FANCA: variants seen among roughly 807,000 people sequenced by gnomAD.
The protein encoded by FANCA is Fanconi anemia group A protein.
In FANCA, 236 loss-of-function variants were observed where a neutral mutation model predicts 194.3. The observed-to-expected ratio is 1.21, with a 90% CI of 1.09 to 1.35. The LOEUF (loss-of-function observed/expected upper bound fraction) is 1.35, where lower values mean the gene tolerates loss of function less well. FANCA is among the 40% of genes most tolerant of loss of function. FANCA has a pLI of 0.00. For missense variants in FANCA, 2,628 were observed against 1,813.9 expected (o/e 1.45, Z -8.15); for synonymous variants, 1,014 against 715.8 (o/e 1.42, Z -6.65).
intron 20 of FANCA, among the ~76,000 whole-genome samples, chr16:89,777,717 G>A (rs2039557760): frequency 6.6e-6 from 1 of 152,104 alleles, no homozygotes; most frequent in Non-Finnish European, 1.5e-5. Context: ...AACCTGCAAT[G>A]TAAGTGATCC....
intron 3 of FANCA, among the ~76,000 whole-genome samples, chr16:89,812,672 T>TAAAAAAAAAAAAAAAAAAAAAAAA (rs2040941835): frequency 9.8e-6 from 1 of 101,674 alleles, no homozygotes; most frequent in Non-Finnish European, 2.2e-5. Flanking sequence ...AAAAAAAAAC[T>TAAAAAAAAAAAAAAAAAAAAAAAA]GTTAACTGCA....
Position 89,773,156 on chromosome 16 carries a change from G to C in FANCA, c.2014+115C>G. 3.6e-6 allele frequency: 3 copies of C among 825,080 alleles called. No individual in the cohort carries two copies. In the South Asian group the frequency reaches 4.3e-5, roughly 12 times the overall value. 51.1% of individuals were successfully genotyped at this position (825,080 alleles called of 1,614,324 possible). ...CCCGGGGTCAATCTTTAAACTACTGGACTACTAGGAAGACACACCAGCCTG... is the reference window on the plus strand; with the variant it reads ...CCCGGGGTCAATCTTTAAACTACTGCACTACTAGGAAGACACACCAGCCTG... On this transcript the variant is annotated intron_variant, in intron 22 of 42. Transcript: ENST00000389301.
At chr16:89,747,297 C>T (rs995508449) in intron 33 of FANCA, among the ~76,000 whole-genome samples, 1 of 152,234 alleles carries the variant, frequency 6.6e-6, no homozygotes, top group Non-Finnish European at 1.5e-5. Context: ...TCGGCTGTCA[C>T]GTGCCAACTG....
At chr16:89,787,055 G>A (rs540301558) in intron 14 of FANCA, among the ~76,000 whole-genome samples, 6 of 152,232 alleles carry the variant, frequency 3.9e-5, no homozygotes, top group South Asian at 2.1e-4. Flanking sequence ...AGTGACACGC[G>A]CAAGCCAGAC....
At chr16:89,765,598 C>T (rs944115111) in intron 27 of FANCA, among the ~76,000 whole-genome samples, 1 of 152,252 alleles carries the variant, frequency 6.6e-6, no homozygotes, top group Non-Finnish European at 1.5e-5. Context: ...CATCTCTAGG[C>T]CTCTGCCAGG....
rs2038408800 is a variant in FANCA at position 89,746,862 on chromosome 16, A to G, written c.3377T>C (p.Leu1126Pro). Residue 1126 changes from leucine to proline, a missense_variant, in exon 34 of 43, where the codon CTG becomes CCG. Physicochemically the swap from Leu to Pro is moderately conservative, Grantham distance 98 (BLOSUM62 -3). Transcript: ENST00000389301. ...GAAGTGGGCAGTGATGTCCTGTGTC[A>G]GGGCACCTCCGTGGGAGCAGAAGTT... ...MRNFCSHGGALTQDITAHFFR... is the reference protein window; with the variant it reads ...MRNFCSHGGAPTQDITAHFFR... The G allele has an allele frequency of 6.4e-7, 1 of 1,562,084 alleles. No individual in the cohort carries two copies. Among genetic ancestry groups the G allele is most frequent in the Non-Finnish European group, 8.7e-7 (1 of 1,152,070 alleles).
chr16:89,789,724 C>CCACT lies in FANCA; in HGVS notation c.1359+1675_1359+1678dup, dbSNP rs780423364. On this transcript the variant is annotated intron_variant, in intron 14 of 42. Coordinates refer to ENST00000389301, the MANE Select transcript of FANCA (RefSeq NM_000135.4). ...AAACTGCTGAGATTACAGGCATGAGCCACTGTACCTGGCCCGAACCCAAAA... is the reference window on the plus strand; with the variant it reads ...AAACTGCTGAGATTACAGGCATGAGCCACTCACTGTACCTGGCCCGAACCCAAAA... Among the ~76,000 whole-genome samples the CCACT allele has an allele frequency of 2.0e-3, 301 of 152,246 alleles. 1 individual carries two copies. The highest frequency in any genetic ancestry group is 3.3e-3 in the Admixed American group (50 of 15,288).
intron 29 of FANCA, 121 bp downstream of exon 29, chr16:89,761,827 TG>T (rs2038962972): frequency 1.3e-6 from 1 of 796,134 alleles, no homozygotes; most frequent in Non-Finnish European, 2.2e-6. Context: ...AGTTTCCCCA[TG>T]TTGCCCAGGC....
rs189890126 is a variant in FANCA, at chr16:89,761,936, T to A, written c.2852+13A>T. The A allele has an allele frequency of 3.5e-5, 56 of 1,612,300 alleles. No homozygotes were observed. Among genetic ancestry groups the A allele is most frequent in the Non-Finnish European group, 4.6e-5 (54 of 1,178,334 alleles). On this transcript the variant is annotated intron_variant, in intron 29 of 42. Coordinates refer to ENST00000389301, the MANE Select transcript of FANCA (RefSeq NM_000135.4). ...CATCATGCCTGGCCAGGGTAGCTCT[T>A]TTCAACACTTACCGTTCAGTATCTG...
At position 89,748,722 on chromosome 16, in the gene FANCA, G is replaced by C. The variant is rs1348342658; in HGVS notation, c.3285C>G (p.Phe1095Leu). The change falls in exon 33 of 43, where the codon TTC (phenylalanine) becomes TTG (leucine). Residue 1095 changes from phenylalanine (F) to leucine (L), a missense_variant. Phe to Leu is a conservative substitution (Grantham distance 22, BLOSUM62 0). Coordinates refer to ENST00000389301, the MANE Select transcript of FANCA (RefSeq NM_000135.4). ...LPSSVLCGSS[F>L]QAEQPITARC... ...TGGCAGTGATGGGCTGTTCTGCCTG[G>C]AAGCTGCTGCCGCAGAGGACAGACG... 1 of 1,614,126 alleles carries C rather than the reference G, an allele frequency of 6.2e-7. No homozygotes were observed. The highest frequency in any genetic ancestry group is 2.2e-5 in the East Asian group (1 of 44,880).
chr16:89,812,123 C>T (rs1253178785), intron 3 of FANCA, among the ~76,000 whole-genome samples: 32 of 142,532 alleles, frequency 2.2e-4, no homozygotes, highest in African/African-American at 7.0e-4. Context: ...ATTACAAGGT[C>T]AGGAGATCGA....
chr16:89,764,815 G>C (rs2039069546), intron 28 of FANCA, 75 bp downstream of exon 28: 1 of 1,529,402 alleles, frequency 6.5e-7, no homozygotes, highest in Non-Finnish European at 9.0e-7. Flanking sequence ...ACGTGCTGCT[G>C]TTCTTGCCCG....
In FANCA at chr16:89,811,032, G is replaced by A. The variant is rs926971713; in HGVS notation, c.323C>T (p.Pro108Leu). 5 of 1,613,960 alleles carry A rather than the reference G, an allele frequency of 3.1e-6. No individual in the cohort carries two copies. Among genetic ancestry groups the A allele is most frequent in the Non-Finnish European group, 4.2e-6 (5 of 1,180,024 alleles). Residue 108 changes from proline (P) to leucine (L), a missense_variant, in exon 4 of 43, where the codon CCC becomes CTC. Pro to Leu is a moderately conservative substitution (Grantham distance 98). Coordinates refer to ENST00000389301, the MANE Select transcript of FANCA (RefSeq NM_000135.4). ...CATCCCGGCTGAGAGAATACCCACG[G>A]GAACCCCCAGCCTTGAGGCTTGATC... ...LQDQASRLGV[P>L]VGILSAGMVA...
chr16:89,815,993 A>C lies in FANCA; in HGVS notation c.80-7T>G. The C allele has an allele frequency of 1.2e-6, 2 of 1,607,872 alleles. No individual in the cohort carries two copies. The highest frequency in any genetic ancestry group is 2.2e-5 in the South Asian group (2 of 90,988). On this transcript the variant is annotated splice_region_variant and splice_polypyrimidine_tract_variant and intron_variant, in intron 1 of 42. Transcript: ENST00000389301. ...TCCCTCTTGACCCTTCCCGCTACGG[A>C]GAGAAGTCGGTTCGAAACCATCACA...
At chr16:89,764,219 G>A (rs753495563) in intron 28 of FANCA, among the ~76,000 whole-genome samples, 1 of 152,212 alleles carries the variant, frequency 6.6e-6, no homozygotes, top group African/African-American at 2.4e-5. Flanking sequence ...ACAGCGAGAC[G>A]TTGTCTCAAA....
intron 15 of FANCA, among the ~76,000 whole-genome samples, chr16:89,783,483 G>A (rs1475917520): frequency 2.6e-5 from 4 of 151,312 alleles, no homozygotes; most frequent in African/African-American, 4.9e-5. Context: ...CCCAGGAGGC[G>A]GACCTTGCAG....
chr16:89,775,958 C>T (rs2039486654), intron 20 of FANCA, 143 bp from the exon 21 acceptor site: 5 of 410,294 alleles, frequency 1.2e-5, no homozygotes, highest in South Asian at 7.6e-5. Flanking sequence ...CCTGTTTTTA[C>T]AAAAAAATAT....
rs1044109342 is a variant in FANCA at position 89,798,707 on chromosome 16, G to C, written c.893+459C>G. 5.0e-5 allele frequency: 65 copies of C among 1,311,502 alleles called. 1 individual carries two copies. The highest frequency in any genetic ancestry group is 5.8e-5 in the Non-Finnish European group (59 of 1,021,150). 81.2% of individuals were successfully genotyped at this position (1,311,502 alleles called of 1,614,324 possible). A position where few individuals can be genotyped will look rare whatever the true frequency, so the allele number is the denominator to read the frequency against. On this transcript the variant is annotated intron_variant, in intron 10 of 42. Transcript: ENST00000389301. The stretch of plus-strand genomic sequence containing the variant: ...GGAGAGAAAAAGCTAATAGGGCCAA[G>C]CTTTGCCTACTGGTGAATCTGAGCA...
intron 27 of FANCA, among the ~76,000 whole-genome samples, chr16:89,766,064 T>C (rs2143298545): frequency 6.6e-6 from 1 of 151,960 alleles, no homozygotes; most frequent in Non-Finnish European, 1.5e-5. Context: ...TGGTGCAGTC[T>C]CGGCTCACTG....
Sources: gnomAD v4.1 joint callset for allele counts (sites outside exome capture counted in the v4.1 genomes callset) on GRCh38, gnomAD v4.1.1 for gene constraint, MANE v1.5 for transcripts, NCBI Gene and HGNC (gene_info 2026-07-23, HGNC 2026-07-21) for gene names.